TMTC3: variants seen among roughly 807,000 people sequenced by gnomAD.
TMTC3 encodes transmembrane O-mannosyltransferase targeting cadherins 3.
In TMTC3, 52 loss-of-function variants were observed where a neutral mutation model predicts 92.2. The ratio of observed to expected loss-of-function variants is 0.56; its 90% CI spans 0.45 to 0.71. TMTC3 has a LOEUF of 0.71. TMTC3 is among the 30% of genes least tolerant of loss of function. TMTC3 has a pLI of 0.00. For missense variants in TMTC3, 896 were observed against 1,057.1 expected, an observed-to-expected ratio of 0.85 and a Z score of 2.11; for synonymous variants, 339 against 363.3, an observed-to-expected ratio of 0.93 and a Z score of 0.76.
chr12:88,168,434 A>T (rs2041170244), intron 7 of TMTC3, among the ~76,000 whole-genome samples: 1 of 152,214 alleles, frequency 6.6e-6, no homozygotes, highest in Non-Finnish European at 1.5e-5. Flanking sequence ...TTCAAGTATA[A>T]CAAACTGCTT....
In TMTC3 at chr12:88,198,509, A is replaced by G. The variant is rs1222844705; in HGVS notation, c.*2860A>G. 7.6e-6 allele frequency: 3 copies of G among 397,334 alleles called. No individual in the cohort carries two copies. Among genetic ancestry groups the G allele is most frequent in the African/African-American group, 6.2e-5 (3 of 48,592 alleles). The allele number at this position is 397,334 out of a possible 1,614,324, so 24.6% of individuals were successfully genotyped here. A position where few individuals can be genotyped will look rare whatever the true frequency, so the allele number is the denominator to read the frequency against. On this transcript the variant is annotated 3_prime_UTR_variant, in exon 14 of 14. Coordinates refer to ENST00000266712, the MANE Select transcript of TMTC3 (RefSeq NM_181783.4). ...AATTGCACCTACATGTTTTCTTATT[A>G]ACATTCAGAATTGGGAATATTAATT...
In TMTC3 at chr12:88,195,795, T is replaced by G; in HGVS notation, c.*146T>G. The G allele has an allele frequency of 1.6e-6, 1 of 616,016 alleles. No individual in the cohort carries two copies. Among genetic ancestry groups the G allele is most frequent in the Non-Finnish European group, 2.7e-6 (1 of 366,008 alleles). 38.2% of individuals were successfully genotyped at this position (616,016 alleles called of 1,614,324 possible). ...AAGTAGGATCAAAATAAGATTTTCATTAAAGACCTGTATTATCCCAGGATG... is the reference window on the plus strand; with the variant it reads ...AAGTAGGATCAAAATAAGATTTTCAGTAAAGACCTGTATTATCCCAGGATG... On this transcript the variant is annotated 3_prime_UTR_variant, in exon 14 of 14. Coordinates refer to ENST00000266712, the MANE Select transcript of TMTC3 (RefSeq NM_181783.4).
chr12:88,180,982 T>C (rs2041311760), intron 10 of TMTC3, among the ~76,000 whole-genome samples: 1 of 152,096 alleles, frequency 6.6e-6, no homozygotes, highest in Admixed American at 6.5e-5. Context: ...TTACTCATAT[T>C]CCCCCTTTTT....
intron 6 of TMTC3, among the ~76,000 whole-genome samples, chr12:88,165,860 G>A (rs183013923): frequency 3.9e-5 from 6 of 152,036 alleles, no homozygotes; most frequent in Admixed American, 2.0e-4. Flanking sequence ...AAAAATATAC[G>A]AATTTTTTCC....
chr12:88,146,845 C>T (rs1439962556), intron 1 of TMTC3, among the ~76,000 whole-genome samples: 1 of 150,154 alleles, frequency 6.7e-6, no homozygotes, highest in African/African-American at 2.4e-5. Context: ...AATTATTATA[C>T]TTTTCAACTA....
chr12:88,160,933 T>C, intron 6 of TMTC3, 82 bp downstream of exon 6: 1 of 1,370,736 alleles, frequency 7.3e-7, no homozygotes, highest in African/African-American at 1.5e-5. Flanking sequence ...AAGAAAGTAT[T>C]TTATTTTGTT....
chr12:88,187,167 T>TA (rs71448730), intron 10 of TMTC3, among the ~76,000 whole-genome samples: 1,967 of 126,320 alleles, frequency 0.016, 44 homozygotes, highest in East Asian at 0.023. Context: ...ATTTATCTGG[T>TA]AAAAAAAAAA....
rs775330171 is a variant in TMTC3, at chr12:88,148,509, GTAAT to G, written c.189+8_189+11del. 1.3e-6 allele frequency: 2 copies of G among 1,582,692 alleles called. No individual in the cohort carries two copies. The highest frequency in any genetic ancestry group is 1.8e-5 in the Admixed American group (1 of 56,662). On this transcript the variant is annotated splice_donor_region_variant and intron_variant, in intron 2 of 13. Coordinates refer to ENST00000266712, the MANE Select transcript of TMTC3 (RefSeq NM_181783.4). Reference sequence around the variant, plus strand: ...TGGGGAACCCCTATGTCTGAGGTAAGTAATTACTTACATATTACTTGTACATGTC... The same window carrying G: ...TGGGGAACCCCTATGTCTGAGGTAAGTACTTACATATTACTTGTACATGTC...
intron 2 of TMTC3, among the ~76,000 whole-genome samples, chr12:88,152,505 T>G (rs1369998231): frequency 6.6e-6 from 1 of 152,174 alleles, no homozygotes; most frequent in Non-Finnish European, 1.5e-5. Context: ...TCAATGCCCT[T>G]TGTATAAAAC....
Position 88,153,435 on chromosome 12 carries a change from A to T in TMTC3, c.334A>T (p.Lys112Ter). The change falls in exon 3 of 14, where the codon AAA (lysine) becomes TAA (stop). Residue 112 changes from lysine to a stop codon, truncating the protein, a stop_gained. Coordinates refer to ENST00000266712, the MANE Select transcript of TMTC3 (RefSeq NM_181783.4). LOFTEE classifies it high-confidence loss of function. ...VVSVIFLKVC[K>*]LFLDNKSSVI... ...TAGTGTGATATTTCTCAAAGTATGC[A>T]AACTTTTTCTGGACAACAAGAGTAG... is the stretch of plus-strand genomic sequence containing the variant. The T allele has an allele frequency of 6.2e-7, 1 of 1,613,682 alleles. No individual in the cohort carries two copies. The highest frequency in any genetic ancestry group is 8.5e-7 in the Non-Finnish European group (1 of 1,179,776).
intron 2 of TMTC3, among the ~76,000 whole-genome samples, chr12:88,148,746 T>TA (rs2040905958): frequency 6.6e-6 from 1 of 151,866 alleles, no homozygotes; most frequent in South Asian, 2.1e-4. Flanking sequence ...TTTTTTTTTT[T>TA]AACTTTTATT....
chr12:88,185,097 T>C (rs1195525819), intron 10 of TMTC3, among the ~76,000 whole-genome samples: 1 of 152,150 alleles, frequency 6.6e-6, no homozygotes, highest in Non-Finnish European at 1.5e-5. Flanking sequence ...TACAATAGAC[T>C]ATACATGTTT....
chr12:88,160,566 A>G (rs2041064383), intron 5 of TMTC3, 113 bp from the exon 6 acceptor site: 12 of 954,814 alleles, frequency 1.3e-5, no homozygotes, highest in Non-Finnish European at 1.7e-5. Context: ...ATTCTTCCAC[A>G]TTAATTTTAT....
intron 1 of TMTC3, among the ~76,000 whole-genome samples, chr12:88,147,563 T>A (rs2040890624): frequency 6.6e-6 from 1 of 152,170 alleles, no homozygotes. Context: ...TCTCCTAGTT[T>A]CTTGAAAAGG....
intron 8 of TMTC3, chr12:88,173,141 A>G (rs1810088457): frequency 8.6e-7 from 1 of 1,162,100 alleles, no homozygotes. Flanking sequence ...AGCAATCTGT[A>G]ATTTCTTGCT....
Position 88,198,682 on chromosome 12 carries a change from C to T in TMTC3, c.*3033C>T, listed in dbSNP as rs2041544577. The T allele has an allele frequency of 3.0e-6, 1 of 333,206 alleles. No individual in the cohort carries two copies. Among genetic ancestry groups the T allele is most frequent in the South Asian group, 1.6e-4 (1 of 6,422 alleles). 20.6% of individuals were successfully genotyped at this position (333,206 alleles called of 1,614,324 possible). A position where few individuals can be genotyped will look rare whatever the true frequency, so the allele number is the denominator to read the frequency against. Reference sequence around the variant, plus strand: ...AAAACCTCATGCCTTTTCATTACATCTAATTTGAACTCTCAACTTCATGTT... The same window carrying T: ...AAAACCTCATGCCTTTTCATTACATTTAATTTGAACTCTCAACTTCATGTT... On this transcript the variant is annotated 3_prime_UTR_variant, in exon 14 of 14. Coordinates refer to ENST00000266712, the MANE Select transcript of TMTC3 (RefSeq NM_181783.4).
chr12:88,168,365 G>A (rs1376982000), intron 7 of TMTC3, among the ~76,000 whole-genome samples: 1 of 92,218 alleles, frequency 1.1e-5, no homozygotes, highest in African/African-American at 3.2e-5. Context: ...TGTTTCAAAG[G>A]ATGGGATAAA....
chr12:88,196,055 A>G lies in TMTC3; in HGVS notation c.*406A>G, dbSNP rs1037205108. 1.3e-5 allele frequency: 2 copies of G among 154,366 alleles called. No individual in the cohort carries two copies. Among genetic ancestry groups the G allele is most frequent in the Non-Finnish European group, 1.4e-5 (1 of 69,630 alleles). 9.6% of individuals were successfully genotyped at this position (154,366 alleles called of 1,614,324 possible). A position where few individuals can be genotyped will look rare whatever the true frequency, so the allele number is the denominator to read the frequency against. The stretch of plus-strand genomic sequence containing the variant: ...TATTTGCCTACTTCATTTTTCTTGC[A>G]CCTCTTAGAATCTAACTATGAATTG... On this transcript the variant is annotated 3_prime_UTR_variant, in exon 14 of 14. Coordinates refer to ENST00000266712, the MANE Select transcript of TMTC3 (RefSeq NM_181783.4).
intron 10 of TMTC3, among the ~76,000 whole-genome samples, chr12:88,187,100 C>CTA (rs1402521485): frequency 6.7e-6 from 1 of 149,690 alleles, no homozygotes; most frequent in African/African-American, 2.5e-5. Context: ...TTTTCAGGTT[C>CTA]TATGTACCTT....
Sources: gnomAD v4.1 joint callset for allele counts (sites outside exome capture counted in the v4.1 genomes callset) on GRCh38, gnomAD v4.1.1 for gene constraint, MANE v1.5 for transcripts, NCBI Gene and HGNC (gene_info 2026-07-23, HGNC 2026-07-21) for gene names.